Variants in DYNC2H1 observed in about 807,000 individuals in gnomAD.
DYNC2H1 encodes the protein cytoplasmic dynein 2 heavy chain 1.
Under a neutral mutation model 570.0 loss-of-function variants are expected in DYNC2H1, and 410 were observed. The ratio of observed to expected loss-of-function variants is 0.72; its 90% CI spans 0.66 to 0.78. The LOEUF (loss-of-function observed/expected upper bound fraction) is 0.78. DYNC2H1 is among the 30% of genes least tolerant of loss of function. The pLI is 0.00. For missense variants in DYNC2H1, 4,865 were observed against 5,046.4 expected (o/e 0.96, Z 1.09); for synonymous variants, 1,688 against 1,677.6 (o/e 1.01, Z -0.15).
chr11:103,188,465 A>C (rs774345201), intron 43 of DYNC2H1, 32 bp from the exon 44 acceptor site: 1 of 1,470,600 alleles, frequency 6.8e-7, no homozygotes, highest in South Asian at 1.4e-5. Context: ...TCTTAGATAA[A>C]AAACGTTTAA....
intron 75 of DYNC2H1, among the ~76,000 whole-genome samples, chr11:103,295,599 C>T (rs529290431): frequency 2.0e-5 from 3 of 152,312 alleles, no homozygotes; most frequent in Non-Finnish European, 2.9e-5. Context: ...CATGAGCCAT[C>T]TGAGAAGGCC....
At chr11:103,431,302 T>A (rs1488520946) in intron 84 of DYNC2H1, among the ~76,000 whole-genome samples, 1 of 151,482 alleles carries the variant, frequency 6.6e-6, no homozygotes, top group Non-Finnish European at 1.5e-5. Flanking sequence ...TAATTCCCAA[T>A]ACCTAATTAT....
intron 54 of DYNC2H1, 61 bp from the exon 55 acceptor site, chr11:103,215,660 T>C: frequency 7.6e-7 from 1 of 1,314,332 alleles, no homozygotes; most frequent in South Asian, 1.6e-5. Flanking sequence ...TAGGGCTTTA[T>C]TTACTGTGTG....
intron 83 of DYNC2H1, among the ~76,000 whole-genome samples, chr11:103,378,467 A>T (rs958760968): frequency 2.0e-5 from 3 of 152,174 alleles, no homozygotes; most frequent in Admixed American, 6.5e-5. Flanking sequence ...AGCCTTTGGG[A>T]TACTGCAAAT....
At chr11:103,380,827 G>C (rs1388298427) in intron 83 of DYNC2H1, among the ~76,000 whole-genome samples, 1 of 152,190 alleles carries the variant, frequency 6.6e-6, no homozygotes, top group Non-Finnish European at 1.5e-5. Flanking sequence ...CTCCCAAAAT[G>C]CTGGGATTCC....
At chr11:103,454,511 TC>T (rs1469273651) in intron 85 of DYNC2H1, among the ~76,000 whole-genome samples, 13 of 152,142 alleles carry the variant, frequency 8.5e-5, no homozygotes, top group Non-Finnish European at 2.9e-5. Context: ...CTCCACTTCC[TC>T]ATTTGTAAAG....
Position 103,248,117 on chromosome 11 carries a change from G to A in DYNC2H1, c.10042+2743G>A, listed in dbSNP as rs150581974. Among the ~76,000 whole-genome samples, 143 of 152,132 alleles carry A rather than the reference G, an allele frequency of 9.4e-4. 1 individual carries two copies. The highest frequency in any genetic ancestry group is 3.3e-3 in the African/African-American group (139 of 41,546). ...CTTTCTTTCTTTGTATTTAGTGGCT[G>A]TAACGCAAGCAGTTGGTCTATAATG... is the stretch of plus-strand genomic sequence containing the variant. On this transcript the variant is annotated intron_variant, in intron 65 of 88. Transcript: ENST00000375735.
At position 103,369,427 on chromosome 11, in the gene DYNC2H1, G is replaced by A. The variant is rs895511986; in HGVS notation, c.12156+11068G>A. On this transcript the variant is annotated intron_variant, in intron 83 of 88. Coordinates refer to ENST00000375735, the MANE Select transcript of DYNC2H1 (RefSeq NM_001377.3). This position sits in a 1 kb window ranked among gnomAD's most constrained non-coding sequence, Gnocchi z 4.0. ...CTATGTGAGTAATGCTGCTGAACTA[G>A]GCCCAGAGACAGTGAACTGGAAGGG... 6.6e-6 allele frequency among the ~76,000 whole-genome samples: 1 copy of A among 152,094 alleles called. No homozygotes were observed. The highest frequency in any genetic ancestry group is 1.5e-5 in the Non-Finnish European group (1 of 68,026).
chr11:103,191,580 C>T lies in DYNC2H1; in HGVS notation c.7501C>T (p.Gln2501Ter). Reference protein sequence around the residue: ...HYFFTPCILTQWVLGLFRYDL... With the variant: ...HYFFTPCILT Reference sequence around the variant, plus strand: ...TTTCTTTACTCCTTGCATTCTTACCCAATGGGTTCTTGGCTTATTTAGATA... The same window carrying T: ...TTTCTTTACTCCTTGCATTCTTACCTAATGGGTTCTTGGCTTATTTAGATA... The change falls in exon 46 of 89, where the codon CAA (glutamine) becomes TAA (stop). Residue 2501 changes from glutamine to a stop codon, truncating the protein, a stop_gained. Coordinates refer to ENST00000375735, the MANE Select transcript of DYNC2H1 (RefSeq NM_001377.3). LOFTEE classifies it high-confidence loss of function. The T allele has an allele frequency of 2.5e-6, 4 of 1,610,100 alleles. No individual in the cohort carries two copies. Among genetic ancestry groups the T allele is most frequent in the Non-Finnish European group, 2.5e-6 (3 of 1,178,114 alleles).
In DYNC2H1 at chr11:103,231,283, GA is replaced by G. The variant is rs1287001939; in HGVS notation, c.9382del (p.Arg3128GlyfsTer3). 1.9e-6 allele frequency: 3 copies of G among 1,604,934 alleles called. No homozygotes were observed. Among genetic ancestry groups the G allele is most frequent in the Admixed American group, 1.7e-5 (1 of 58,724 alleles). On this transcript the variant is annotated frameshift_variant, in exon 60 of 89. Coordinates refer to ENST00000375735, the MANE Select transcript of DYNC2H1 (RefSeq NM_001377.3). LOFTEE classifies it high-confidence loss of function. ...AGGAATCTGAAGAAAACTGAAGACA[GA>G]AAAAGGAAACTAGAGGAGCTTCTTA... Reference protein sequence around the residue: ...LESNLKKTEDRKRKLEELLNS... With the variant: ...LESNLKKTEDXKRKLEELLNS...
chr11:103,335,735 C>A (rs7931906), intron 82 of DYNC2H1, among the ~76,000 whole-genome samples: 2 of 151,752 alleles, frequency 1.3e-5, no homozygotes, highest in African/African-American at 4.8e-5. Flanking sequence ...GTATATGTGG[C>A]GTTATCCTTT....
intron 84 of DYNC2H1, chr11:103,409,704 T>A (rs1308809692): frequency 6.5e-6 from 1 of 154,796 alleles, no homozygotes; most frequent in East Asian, 1.9e-4. Flanking sequence ...CCAGGCTCGG[T>A]AGGTTTGTCA....
At chr11:103,179,845 C>A (rs989450231) in intron 39 of DYNC2H1, among the ~76,000 whole-genome samples, 1 of 151,414 alleles carries the variant, frequency 6.6e-6, no homozygotes, top group Non-Finnish European at 1.5e-5. Context: ...ACATTTGCAC[C>A]AATTTTATTT....
intron 80 of DYNC2H1, among the ~76,000 whole-genome samples, chr11:103,317,364 G>C (rs1937911004): frequency 7.3e-6 from 1 of 137,526 alleles, no homozygotes; most frequent in South Asian, 2.3e-4. Flanking sequence ...AGTCACCTTG[G>C]ATTCTTTTTT....
intron 85 of DYNC2H1, among the ~76,000 whole-genome samples, chr11:103,440,074 T>TC (rs1252373552): frequency 6.6e-6 from 1 of 152,120 alleles, no homozygotes; most frequent in Admixed American, 6.6e-5. Context: ...GGTTCCTTTA[T>TC]CCTAGTTTTC....
Position 103,199,086 on chromosome 11 carries a change from A to T in DYNC2H1, c.7840-142A>T. On this transcript the variant is annotated intron_variant, in intron 48 of 88. Coordinates refer to ENST00000375735, the MANE Select transcript of DYNC2H1 (RefSeq NM_001377.3). This position sits in a 1 kb window ranked among gnomAD's most constrained non-coding sequence, Gnocchi z 4.6. ...TCCAGGATTACCAGACATATAAAAT[A>T]TTGAGTGTGAGATGATATGTAGTCA... is the stretch of plus-strand genomic sequence containing the variant. 2.0e-6 allele frequency: 1 copy of T among 506,536 alleles called. No individual in the cohort carries two copies. Among genetic ancestry groups the T allele is most frequent in the African/African-American group, 1.9e-5 (1 of 51,430 alleles). 31.4% of individuals were successfully genotyped at this position (506,536 alleles called of 1,614,324 possible).
rs183714205 is a variant in DYNC2H1, at chr11:103,123,327, C to T, written c.1661+327C>T. ...CATTAATATTATATGCACACACACACATACACTTTAAACAATGTTGTGGTT... is the reference window on the plus strand; with the variant it reads ...CATTAATATTATATGCACACACACATATACACTTTAAACAATGTTGTGGTT... On this transcript the variant is annotated intron_variant, in intron 11 of 88. Coordinates refer to ENST00000375735, the MANE Select transcript of DYNC2H1 (RefSeq NM_001377.3). 3.7e-3 allele frequency among the ~76,000 whole-genome samples: 566 copies of T among 152,202 alleles called. 4 individuals are homozygous for T. Among genetic ancestry groups the T allele is most frequent in the African/African-American group, 0.013 (528 of 41,532 alleles).
intron 82 of DYNC2H1, among the ~76,000 whole-genome samples, chr11:103,333,408 T>C (rs1028351478): frequency 9.9e-5 from 15 of 152,174 alleles, no homozygotes; most frequent in Admixed American, 9.2e-4. Flanking sequence ...GGACTACAGG[T>C]ACCCACCACT....
intron 85 of DYNC2H1, among the ~76,000 whole-genome samples, chr11:103,447,160 A>C (rs1944450630): frequency 6.6e-6 from 1 of 152,202 alleles, no homozygotes; most frequent in Non-Finnish European, 1.5e-5. Flanking sequence ...AGTTCTACTG[A>C]AAAATGGTAC....
Sources: gnomAD v4.1 joint callset for allele counts (sites outside exome capture counted in the v4.1 genomes callset) on GRCh38, gnomAD v4.1.1 for gene constraint, Gnocchi (gnomAD v3.1) non-coding constraint, MANE v1.5 for transcripts, NCBI Gene and HGNC (gene_info 2026-07-23, HGNC 2026-07-21) for gene names.